ADAM12: variants seen among roughly 807,000 people sequenced by gnomAD.
ADAM12 encodes the protein disintegrin and metalloproteinase domain-containing protein 12.
In ADAM12, 70 loss-of-function variants were observed where a neutral mutation model predicts 106.4. The ratio of observed to expected loss-of-function variants is 0.66; its 90% CI spans 0.54 to 0.80. ADAM12 has a LOEUF of 0.80. Among genes scored for constraint, ADAM12 ranks in the 30% least tolerant of loss-of-function variants. ADAM12 has a pLI of 0.00. For synonymous variants in ADAM12, 420 were observed against 433.5 expected (o/e 0.97, Z 0.39); for missense variants, 1,010 against 1,171.9 (o/e 0.86, Z 2.02).
chr10:126,085,649 T>C (rs1278356), intron 11 of ADAM12, among the ~76,000 whole-genome samples: 106,387 of 151,564 alleles, frequency 0.7, 37,826 homozygotes, highest in East Asian at 0.82. Flanking sequence ...ATCCATCCTT[T>C]GTCTGTCTGT....
chr10:126,353,318 A>G (rs1855425968), intron 1 of ADAM12, among the ~76,000 whole-genome samples: 1 of 152,180 alleles, frequency 6.6e-6, no homozygotes, highest in Non-Finnish European at 1.5e-5. Flanking sequence ...GAAAGATGTT[A>G]CGGTACAAGT....
intron 21 of ADAM12, among the ~76,000 whole-genome samples, chr10:126,027,308 T>G (rs1367458706): frequency 6.6e-6 from 1 of 152,156 alleles, no homozygotes; most frequent in Non-Finnish European, 1.5e-5. Flanking sequence ...AAAATAGAGC[T>G]GGTACCATTT....
chr10:126,240,260 A>G (rs1315301539), intron 3 of ADAM12, among the ~76,000 whole-genome samples: 6 of 152,220 alleles, frequency 3.9e-5, no homozygotes. Flanking sequence ...ACCCTTTAAA[A>G]TATTCATTCC....
intron 3 of ADAM12, among the ~76,000 whole-genome samples, chr10:126,260,166 A>T (rs1347071305): frequency 6.6e-6 from 1 of 152,252 alleles, no homozygotes; most frequent in East Asian, 1.9e-4. Context: ...GGTGCCAAGT[A>T]GTCTTCACTT....
chr10:126,169,816 A>G (rs981996770), intron 3 of ADAM12, among the ~76,000 whole-genome samples: 1 of 152,248 alleles, frequency 6.6e-6, no homozygotes, highest in African/African-American at 2.4e-5. Flanking sequence ...ATTGAACCAA[A>G]TACCTTTGAC....
At chr10:126,234,552 G>A (rs1246758732) in intron 3 of ADAM12, among the ~76,000 whole-genome samples, 1 of 152,224 alleles carries the variant, frequency 6.6e-6, no homozygotes, top group Non-Finnish European at 1.5e-5. Context: ...GCTCTGCCCA[G>A]TAATGAGTTG....
chr10:126,045,391 G>T lies in ADAM12; in HGVS notation c.1995+664C>A, dbSNP rs189399401. Among the ~76,000 whole-genome samples, 266 of 152,206 alleles carry T rather than the reference G, an allele frequency of 1.7e-3. 2 individuals carry two copies. The highest frequency in any genetic ancestry group is 6.1e-3 in the African/African-American group (254 of 41,524). On this transcript the variant is annotated intron_variant, in intron 17 of 22. Transcript: ENST00000448723. ...CCCCCCATGCACCCGGTAATTCTGTGTAAGAATCATTGGCAAGTGTCTACA... is the reference window on the plus strand; with the variant it reads ...CCCCCCATGCACCCGGTAATTCTGTTTAAGAATCATTGGCAAGTGTCTACA...
intron 3 of ADAM12, among the ~76,000 whole-genome samples, chr10:126,182,074 C>T (rs941610051): frequency 2.6e-5 from 4 of 152,224 alleles, no homozygotes; most frequent in Non-Finnish European, 5.9e-5. Flanking sequence ...GCACCGGCAA[C>T]GCAGTGCATC....
Position 126,333,073 on chromosome 10 carries a change from G to C in ADAM12, c.89-2564C>G, listed in dbSNP as rs191759086. Among the ~76,000 whole-genome samples, 473 of 152,318 alleles carry C rather than the reference G, an allele frequency of 3.1e-3. 6 individuals are homozygous for C. The highest frequency in any genetic ancestry group is 0.011 in the African/African-American group (451 of 41,578). ...ACCTGCTGAAAAACCACACCACGCC[G>C]AGAGTTACCACGGGCATTGGCGTAG... On this transcript the variant is annotated intron_variant, in intron 1 of 22. Coordinates refer to ENST00000448723, the MANE Select transcript of ADAM12 (RefSeq NM_001288973.2).
intron 3 of ADAM12, among the ~76,000 whole-genome samples, chr10:126,181,318 AC>A (rs1590573492): frequency 6.6e-6 from 1 of 152,134 alleles, no homozygotes; most frequent in East Asian, 1.9e-4. Context: ...GTGATCCAAC[AC>A]CCTCGGTTTT....
At chr10:126,228,713 G>C (rs991749549) in intron 3 of ADAM12, among the ~76,000 whole-genome samples, 1 of 152,120 alleles carries the variant, frequency 6.6e-6, no homozygotes, top group African/African-American at 2.4e-5. Context: ...CAGGAGGAAG[G>C]GGTGGACTTT....
intron 3 of ADAM12, among the ~76,000 whole-genome samples, chr10:126,242,097 A>G (rs1335747532): frequency 6.6e-6 from 1 of 152,072 alleles, no homozygotes; most frequent in African/African-American, 2.4e-5. Context: ...TTTCTGAAAA[A>G]TTGCATGCAA....
intron 3 of ADAM12, among the ~76,000 whole-genome samples, chr10:126,196,439 G>T (rs1353292535): frequency 6.6e-6 from 1 of 152,350 alleles, no homozygotes; most frequent in East Asian, 1.9e-4. Context: ...ACCTTTGACA[G>T]ATGCTCACTA....
At chr10:126,051,484 GCCAC>G (rs1399381920) in intron 14 of ADAM12, among the ~76,000 whole-genome samples, 2 of 130,252 alleles carry the variant, frequency 1.5e-5, no homozygotes, top group East Asian at 2.0e-4. Context: ...CGTCCAGCCA[GCCAC>G]CCGTCCATCC....
At chr10:126,234,510 A>C (rs148253285) in intron 3 of ADAM12, among the ~76,000 whole-genome samples, 2 of 152,356 alleles carry the variant, frequency 1.3e-5, no homozygotes, top group African/African-American at 4.8e-5. Context: ...CTAGTTCAAC[A>C]AGACGACTCC....
intron 8 of ADAM12, among the ~76,000 whole-genome samples, chr10:126,107,128 CACAT>C (rs1257899832): frequency 6.6e-6 from 1 of 152,172 alleles, no homozygotes; most frequent in East Asian, 1.9e-4. Context: ...TATAGGAACA[CACAT>C]GCATGTACAT....
intron 2 of ADAM12, among the ~76,000 whole-genome samples, chr10:126,317,374 G>A (rs1223947934): frequency 2.0e-5 from 3 of 152,170 alleles, no homozygotes; most frequent in Non-Finnish European, 4.4e-5. Flanking sequence ...TAAACAATAT[G>A]CTTGGAAAAT....
At chr10:126,251,401 G>T (rs1252533877) in intron 3 of ADAM12, among the ~76,000 whole-genome samples, 1 of 151,632 alleles carries the variant, frequency 6.6e-6, no homozygotes, top group Non-Finnish European at 1.5e-5. Context: ...CTTGCCCAAG[G>T]TCACTGTCTT....
chr10:126,095,426 C>T (rs1345117774), intron 10 of ADAM12, among the ~76,000 whole-genome samples: 2 of 147,826 alleles, frequency 1.4e-5, no homozygotes, highest in African/African-American at 5.0e-5. Context: ...CCCAGCTACT[C>T]TGGAAGCTGA....
Sources: allele counts gnomAD v4.1 joint callset (sites outside exome capture counted in the v4.1 genomes callset), GRCh38; gene constraint gnomAD v4.1.1; transcripts MANE v1.5; gene names NCBI Gene and HGNC (gene_info 2026-07-23, HGNC 2026-07-21).